The following OR7D4 variants were observed in gnomAD, a reference collection of about 807,000 sequenced individuals.
The protein encoded by OR7D4 is olfactory receptor family 7 subfamily D member 4.
For missense variants in OR7D4, 319 were observed against 377.1 expected, an observed-to-expected ratio of 0.85 and a Z score of 1.27; for synonymous variants, 154 against 158.4, an observed-to-expected ratio of 0.97 and a Z score of 0.21.
rs748080625 is a variant in OR7D4 at position 9,214,763 on chromosome 19, G to A, written c.75C>T (p.Pro25=). ...TGGACAGGAACAGCCCAAAGAGGAC[G>A]GGCTGCAGTTCAGGATCATCTGAGA... is the stretch of plus-strand genomic sequence containing the variant. ...LGLSDDPELQ[P]VLFGLFLSMY... The change falls in exon 2 of 2, where the codon CCC becomes CCT. Residue 25 remains proline, a synonymous_variant. Coordinates refer to ENST00000641669, the MANE Select transcript of OR7D4 (RefSeq NM_001005191.3). The A allele has an allele frequency of 3.6e-5, 58 of 1,613,854 alleles. 1 individual carries two copies. In the South Asian group the frequency reaches 4.3e-4, roughly 12 times the overall value.
chr19:9,210,297 T>G lies in OR7D4; in HGVS notation c.*3602A>C, dbSNP rs1483965114. On this transcript the variant is annotated 3_prime_UTR_variant, in exon 2 of 2. Coordinates refer to ENST00000641669, the MANE Select transcript of OR7D4 (RefSeq NM_001005191.3). The stretch of plus-strand genomic sequence containing the variant: ...TCACCTCTGAGCCATGGGTGGAATG[T>G]GAAAGTTTATAAAGAACCATAATAT... The G allele has an allele frequency of 1.3e-5, 2 of 152,044 alleles. No homozygotes were observed. The highest frequency in any genetic ancestry group is 2.4e-5 in the African/African-American group (1 of 41,380). 9.4% of individuals were successfully genotyped at this position (152,044 alleles called of 1,614,324 possible).
At chr19:9,215,795 A>G (rs2051207337) in intron 1 of OR7D4, among the ~76,000 whole-genome samples, 1 of 152,214 alleles carries the variant, frequency 6.6e-6, no homozygotes, top group Admixed American at 6.5e-5. Context: ...AAGGTATAGC[A>G]TAGAGCTGTG....
At chr19:9,218,171 A>G (rs923541880) in intron 1 of OR7D4, among the ~76,000 whole-genome samples, 9 of 152,252 alleles carry the variant, frequency 5.9e-5, no homozygotes, top group African/African-American at 1.4e-4. Flanking sequence ...GAAATGTTCT[A>G]TAAAGACTGG....
intron 1 of OR7D4, among the ~76,000 whole-genome samples, chr19:9,216,031 GAA>G (rs1260179348): frequency 6.6e-6 from 1 of 152,126 alleles, no homozygotes; most frequent in Non-Finnish European, 1.5e-5. Context: ...GGCAAAGAGA[GAA>G]AGCTTGTGCA....
At chr19:9,215,686 G>A (rs533497986) in intron 1 of OR7D4, among the ~76,000 whole-genome samples, 39 of 152,084 alleles carry the variant, frequency 2.6e-4, no homozygotes, top group Admixed American at 1.8e-3. Flanking sequence ...ATGCACGGTA[G>A]GAATATCAAC....
chr19:9,213,780 A>C lies in OR7D4; in HGVS notation c.*119T>G. 1.4e-6 allele frequency: 1 copy of C among 716,320 alleles called. No homozygotes were observed. Among genetic ancestry groups the C allele is most frequent in the Middle Eastern group, 3.8e-4 (1 of 2,658 alleles). The allele number at this position is 716,320 out of a possible 1,614,324, so 44.4% of individuals were successfully genotyped here. A position where few individuals can be genotyped will look rare whatever the true frequency, so the allele number is the denominator to read the frequency against. The stretch of plus-strand genomic sequence containing the variant: ...CAACAACAAACAACCCAATAACAAC[A>C]ACCAAAAATCCCACATCAAGCACAT... On this transcript the variant is annotated 3_prime_UTR_variant, in exon 2 of 2. Coordinates refer to ENST00000641669, the MANE Select transcript of OR7D4 (RefSeq NM_001005191.3).
At chr19:9,216,625 T>C (rs2051215516) in intron 1 of OR7D4, among the ~76,000 whole-genome samples, 1 of 152,136 alleles carries the variant, frequency 6.6e-6, no homozygotes, top group South Asian at 2.1e-4. Flanking sequence ...AGAGTCTCAC[T>C]CTGTTGACCA....
intron 1 of OR7D4, among the ~76,000 whole-genome samples, chr19:9,218,600 C>A (rs2146015804): frequency 6.6e-6 from 1 of 152,270 alleles, no homozygotes; most frequent in Non-Finnish European, 1.5e-5. Flanking sequence ...ACTACAATTT[C>A]AATCTTTTGA....
chr19:9,217,406 C>T lies in OR7D4; in HGVS notation c.-14+1794G>A, dbSNP rs141429200. Among the ~76,000 whole-genome samples the T allele has an allele frequency of 2.8e-3, 423 of 152,096 alleles. 5 individuals are homozygous for T. The highest frequency in any genetic ancestry group is 9.4e-3 in the African/African-American group (392 of 41,496). ...GGAAAAAAGGTTGTTACTATTTATG[C>T]CTAGAGAATGTTGATTAATTAAAGA... is the stretch of plus-strand genomic sequence containing the variant. On this transcript the variant is annotated intron_variant, in intron 1 of 1. Coordinates refer to ENST00000641669, the MANE Select transcript of OR7D4 (RefSeq NM_001005191.3).
At chr19:9,216,614 C>T (rs140482595) in intron 1 of OR7D4, among the ~76,000 whole-genome samples, 61 of 151,706 alleles carry the variant, frequency 4.0e-4, no homozygotes, top group Non-Finnish European at 5.7e-4. Flanking sequence ...TTTTTTGAGA[C>T]AGAGTCTCAC....
chr19:9,214,293 G>C lies in OR7D4; in HGVS notation c.545C>G (p.Ala182Gly). ...AGAGCAGGCCACCTTGAGGACCTGA[G>C]CCGGTTCACAGAAGAAATGCGGAAT... ...TEIPHFFCEP[A>G]QVLKVACSNT... Residue 182 changes from alanine (A) to glycine (G), a missense_variant, in exon 2 of 2, where the codon GCT becomes GGT. Coordinates refer to ENST00000641669, the MANE Select transcript of OR7D4 (RefSeq NM_001005191.3). 6.2e-7 allele frequency: 1 copy of C among 1,614,202 alleles called. No homozygotes were observed. Among genetic ancestry groups the C allele is most frequent in the Non-Finnish European group, 8.5e-7 (1 of 1,180,034 alleles).
intron 1 of OR7D4, among the ~76,000 whole-genome samples, chr19:9,217,535 GGTTTGTTTGTTT>G (rs530816848): frequency 1.3e-5 from 2 of 151,822 alleles, no homozygotes; most frequent in African/African-American, 2.4e-5. Context: ...ATGGATCATT[GGTTTGTTTGTTT>G]GTTTGTTTGG....
chr19:9,214,810 A>G lies in OR7D4; in HGVS notation c.28T>C (p.Ser10Pro), dbSNP rs768874742. Residue 10 changes from serine (S) to proline (P), a missense_variant, in exon 2 of 2, where the codon TCA (serine) becomes CCA (proline). Ser to Pro is a moderately conservative substitution (Grantham distance 74, BLOSUM62 -1). Coordinates refer to ENST00000641669, the MANE Select transcript of OR7D4 (RefSeq NM_001005191.3). ...GAGAGTCCCAGGAGGAGAAATTTTGATAATTCTGTAAGGTTTTCTGCTTCC... is the reference window on the plus strand; with the variant it reads ...GAGAGTCCCAGGAGGAGAAATTTTGGTAATTCTGTAAGGTTTTCTGCTTCC... MEAENLTEL[S>P]KFLLLGLSDD... 8.7e-6 allele frequency: 14 copies of G among 1,609,136 alleles called. No individual in the cohort carries two copies. The African/African-American group carries it at 1.2e-4, about 14-fold the overall frequency.
intron 1 of OR7D4, among the ~76,000 whole-genome samples, chr19:9,215,110 C>A (rs2051202064): frequency 6.6e-6 from 1 of 152,152 alleles, no homozygotes; most frequent in Admixed American, 6.5e-5. Flanking sequence ...TTTGGGAGGA[C>A]AAGGTGGGCA....
At position 9,213,904 on chromosome 19, in the gene OR7D4, G is replaced by A. The variant is rs369714292; in HGVS notation, c.934C>T (p.Pro312Ser). The A allele has an allele frequency of 1.9e-6, 3 of 1,612,486 alleles. No individual in the cohort carries two copies. Among genetic ancestry groups the A allele is most frequent in the Non-Finnish European group, 1.7e-6 (2 of 1,178,822 alleles). The change falls in exon 2 of 2, where the codon CCA becomes TCA. Residue 312 changes from proline (P) to serine (S), a missense_variant. By Grantham distance (74) the Pro-to-Ser change is moderately conservative. Transcript: ENST00000641669. ...ERLLSRADSC[P>S] is the part of the protein sequence containing the mutation. ...AGTTCTGAGGCCCTGATTTGTCATGGACAAGAGTCGGCCCTGCTGAGGAGT... is the reference window on the plus strand; with the variant it reads ...AGTTCTGAGGCCCTGATTTGTCATGAACAAGAGTCGGCCCTGCTGAGGAGT...
chr19:9,216,496 A>G (rs1186509768), intron 1 of OR7D4, among the ~76,000 whole-genome samples: 1 of 152,196 alleles, frequency 6.6e-6, no homozygotes, highest in Non-Finnish European at 1.5e-5. Flanking sequence ...CTATGTGGGA[A>G]TATTGAAGAG....
intron 1 of OR7D4, among the ~76,000 whole-genome samples, chr19:9,217,558 A>G (rs2051223827): frequency 6.6e-6 from 1 of 152,066 alleles, no homozygotes; most frequent in Non-Finnish European, 1.5e-5. Flanking sequence ...GTTTGTTTGG[A>G]GATGGAATCT....
intron 1 of OR7D4, among the ~76,000 whole-genome samples, chr19:9,215,923 G>T (rs1263425135): frequency 1.3e-5 from 2 of 152,128 alleles, no homozygotes; most frequent in Non-Finnish European, 2.9e-5. Flanking sequence ...ACAACAGAAA[G>T]ATGTTTAATG....
At position 9,214,402 on chromosome 19, in the gene OR7D4, G is replaced by A. The variant is rs145834041; in HGVS notation, c.436C>T (p.Leu146=). 9.5e-4 allele frequency: 1,529 copies of A among 1,614,190 alleles called. 9 individuals are homozygous for A. In the East Asian group the frequency reaches 0.027, roughly 28 times the overall value. Residue 146 remains leucine, a synonymous_variant, in exon 2 of 2, where the codon CTG becomes TTG. Transcript: ENST00000641669. ...MNPCLCGLLV[L]ASWFIIFWFS... ...CAGAAAATGATGAACCAAGATGCCA[G>A]AACCAGGAGGCCACAGAGGCAGGGG... is the stretch of plus-strand genomic sequence containing the variant.
Sources: allele counts gnomAD v4.1 joint callset (sites outside exome capture counted in the v4.1 genomes callset), GRCh38; gene constraint gnomAD v4.1.1; transcripts MANE v1.5; gene names NCBI Gene and HGNC (gene_info 2026-07-23, HGNC 2026-07-21).